Variants in MACROD1 observed in about 807,000 individuals in gnomAD.
MACROD1 encodes the protein mono-ADP ribosylhydrolase 1, also known as ADP-ribose glycohydrolase MACROD1.
MACROD1 carries 31 observed loss-of-function variants against 41.4 expected under a neutral mutation model. The ratio of observed to expected loss-of-function variants is 0.75; its 90% CI spans 0.56 to 1.01. The LOEUF is 1.01. Ranked by LOEUF, MACROD1 falls within the 50% of genes least tolerant of loss-of-function variation. The pLI is 0.00. For missense variants in MACROD1, 473 were observed against 460.0 expected, an observed-to-expected ratio of 1.03 and a Z score of -0.26; for synonymous variants, 252 against 203.4, an observed-to-expected ratio of 1.24 and a Z score of -2.03.
At chr11:64,138,293 G>T (rs142090920) in intron 3 of MACROD1, among the ~76,000 whole-genome samples, 1 of 152,172 alleles carries the variant, frequency 6.6e-6, no homozygotes, top group African/African-American at 2.4e-5. Flanking sequence ...CCCCCTCCCC[G>T]GCACTGCCTG....
At chr11:64,102,209 G>A (rs1190099135) in intron 3 of MACROD1, among the ~76,000 whole-genome samples, 1 of 152,194 alleles carries the variant, frequency 6.6e-6, no homozygotes, top group Non-Finnish European at 1.5e-5. Flanking sequence ...GTTCCTGCAG[G>A]GGGAATACAG....
At chr11:64,041,916 C>T (rs545333153) in intron 3 of MACROD1, among the ~76,000 whole-genome samples, 35 of 152,280 alleles carry the variant, frequency 2.3e-4, no homozygotes, top group African/African-American at 6.3e-4. Flanking sequence ...GAGTGAGATT[C>T]GGTGGGCTGA....
At chr11:64,138,347 C>T (rs7123026) in intron 3 of MACROD1, among the ~76,000 whole-genome samples, 15,878 of 152,266 alleles carry the variant, frequency 0.1, 1,082 homozygotes, top group Non-Finnish European at 0.16. Context: ...GTGACCCTCA[C>T]GGGGAAAGCT....
chr11:64,135,088 C>T (rs1419179259), intron 3 of MACROD1, among the ~76,000 whole-genome samples: 1 of 152,248 alleles, frequency 6.6e-6, no homozygotes, highest in African/African-American at 2.4e-5. Flanking sequence ...ACTGGTAAAA[C>T]CCAGAGGGCT....
At chr11:64,042,242 C>T (rs180752746) in intron 3 of MACROD1, among the ~76,000 whole-genome samples, 8 of 152,284 alleles carry the variant, frequency 5.3e-5, no homozygotes, top group East Asian at 3.9e-4. Flanking sequence ...CCTGAGCCAG[C>T]CTGAGCCAGG....
chr11:64,165,713 G>A lies in MACROD1; in HGVS notation c.282C>T (p.Asp94=), dbSNP rs372985864. Residue 94 remains aspartate, a synonymous_variant, in exon 1 of 11, where the codon GAC becomes GAT. Transcript: ENST00000255681. ...TACACTTACATTTCGCCTCCTTCCA[G>A]TCGGTGGAGGTGCTCAGGTCCACCT... ...AAKVDLSTST[D]WKEAKSFLKG... 4.6e-5 allele frequency: 68 copies of A among 1,466,442 alleles called. No homozygotes were observed. In the African/African-American group the frequency reaches 9.1e-4, roughly 20 times the overall value. 90.8% of individuals were successfully genotyped at this position (1,466,442 alleles called of 1,614,324 possible). A position where few individuals can be genotyped will look rare whatever the true frequency, so the allele number is the denominator to read the frequency against.
intron 3 of MACROD1, among the ~76,000 whole-genome samples, chr11:64,143,924 G>C (rs1945454111): frequency 6.6e-6 from 1 of 152,032 alleles, no homozygotes; most frequent in African/African-American, 2.4e-5. Flanking sequence ...AGCACAATGA[G>C]ACTGATATAG....
chr11:64,092,010 T>TC lies in MACROD1; in HGVS notation c.517+59228dup, dbSNP rs1272444507. Among the ~76,000 whole-genome samples, 3 of 152,232 alleles carry TC rather than the reference T, an allele frequency of 2.0e-5. No homozygotes were observed. In the East Asian group the frequency reaches 5.8e-4, roughly 29 times the overall value. Reference sequence around the variant, plus strand: ...GGACAGCGGGGCTGCCGGCCCTCTATCCCCACGTGATCTCAGCTCCTGAGG... The same window carrying TC: ...GGACAGCGGGGCTGCCGGCCCTCTATCCCCCACGTGATCTCAGCTCCTGAGG... On this transcript the variant is annotated intron_variant, in intron 3 of 10. Coordinates refer to ENST00000255681, the MANE Select transcript of MACROD1 (RefSeq NM_014067.4).
At chr11:64,156,103 C>A in intron 1 of MACROD1, among the ~76,000 whole-genome samples, 1 of 127,752 alleles carries the variant, frequency 7.8e-6, no homozygotes, top group South Asian at 2.6e-4. Flanking sequence ...AGCAAAACTC[C>A]ATCTCAAAAA....
At chr11:64,102,715 G>C (rs1944691533) in intron 3 of MACROD1, among the ~76,000 whole-genome samples, 2 of 152,186 alleles carry the variant, frequency 1.3e-5, no homozygotes, top group Non-Finnish European at 2.9e-5. Flanking sequence ...AAAGAGGCAG[G>C]AGATAGGGAG....
intron 3 of MACROD1, chr11:64,117,515 G>A: frequency 6.2e-7 from 1 of 1,606,922 alleles, no homozygotes; most frequent in Non-Finnish European, 8.5e-7. Flanking sequence ...AGGCCAAAAG[G>A]CCAGGGCTGC....
In MACROD1 at chr11:64,122,201, T is replaced by G. The variant is rs938589581; in HGVS notation, c.517+29038A>C. On this transcript the variant is annotated intron_variant, in intron 3 of 10. Transcript: ENST00000255681. This position sits in a 1 kb window ranked among gnomAD's most constrained non-coding sequence, Gnocchi z 4.0. Reference sequence around the variant, plus strand: ...AAGCTCCTTTTCTTCCCTTTTCTCCTTCCCCCTCCCCACGGCCTCCCGCCA... The same window carrying G: ...AAGCTCCTTTTCTTCCCTTTTCTCCGTCCCCCTCCCCACGGCCTCCCGCCA... 1.3e-5 allele frequency among the ~76,000 whole-genome samples: 2 copies of G among 152,242 alleles called. No individual in the cohort carries two copies. Among genetic ancestry groups the G allele is most frequent in the African/African-American group, 4.8e-5 (2 of 41,464 alleles).
rs557929737 is a variant in MACROD1, at chr11:64,088,971, G to A, written c.517+62268C>T. Among the ~76,000 whole-genome samples, 8 of 152,304 alleles carry A rather than the reference G, an allele frequency of 5.3e-5. No individual in the cohort carries two copies. In the South Asian group the frequency reaches 1.7e-3, roughly 32 times the overall value. On this transcript the variant is annotated intron_variant, in intron 3 of 10. Transcript: ENST00000255681. ...TGTCACCATGGAGGCTGGGGAGGAG[G>A]CAGAGGTTACCAGACTCAGAGAGAG...
At chr11:64,039,973 G>C (rs2134384169) in intron 3 of MACROD1, among the ~76,000 whole-genome samples, 1 of 152,350 alleles carries the variant, frequency 6.6e-6, no homozygotes, top group South Asian at 2.1e-4. Flanking sequence ...TGGCACGCCT[G>C]GCTCCCTGGC....
rs570855641 is a variant in MACROD1, at chr11:64,065,022, G to A, written c.518-49741C>T. Reference sequence around the variant, plus strand: ...GAACAAGCCAGAGGCGGGCAATGCTGGTGCTAGGGACATGAGCAGGGGTGA... The same window carrying A: ...GAACAAGCCAGAGGCGGGCAATGCTAGTGCTAGGGACATGAGCAGGGGTGA... On this transcript the variant is annotated intron_variant, in intron 3 of 10. Coordinates refer to ENST00000255681, the MANE Select transcript of MACROD1 (RefSeq NM_014067.4). Among the ~76,000 whole-genome samples the A allele has an allele frequency of 7.9e-5, 12 of 152,292 alleles. No individual in the cohort carries two copies. The South Asian group carries it at 2.3e-3, about 29-fold the overall frequency.
At chr11:64,059,512 A>C (rs1943855883) in intron 3 of MACROD1, among the ~76,000 whole-genome samples, 1 of 152,094 alleles carries the variant, frequency 6.6e-6, no homozygotes. Flanking sequence ...CTGGGTACCC[A>C]GGCCCCCCAG....
In MACROD1 at chr11:63,998,980, G is replaced by T; in HGVS notation, c.948C>A (p.Ser316Arg). The stretch of plus-strand genomic sequence containing the variant: ...CCACGGGGAAGTAGTGGGGGAGCCG[G>T]CTCCGGTAGATGTCCTCGTCCTTCT... Reference protein sequence around the residue: ...FLEKDEDIYRSRLPHYFPVA With the variant: ...FLEKDEDIYRRRLPHYFPVA The change falls in exon 9 of 11, where the codon AGC (serine) becomes AGA (arginine). Residue 316 changes from serine (S) to arginine (R), a missense_variant. Ser to Arg is a moderately radical substitution (Grantham distance 110, BLOSUM62 -1). Transcript: ENST00000255681. The T allele has an allele frequency of 6.2e-7, 1 of 1,607,524 alleles. No homozygotes were observed. The highest frequency in any genetic ancestry group is 1.1e-5 in the South Asian group (1 of 90,268).
At chr11:64,149,273 C>T (rs974824439) in intron 3 of MACROD1, among the ~76,000 whole-genome samples, 4 of 152,176 alleles carry the variant, frequency 2.6e-5, no homozygotes, top group African/African-American at 9.7e-5. Flanking sequence ...GCATCAGCTC[C>T]GAGTGCCCCC....
intron 3 of MACROD1, among the ~76,000 whole-genome samples, chr11:64,043,330 G>A (rs781771963): frequency 5.3e-5 from 8 of 152,188 alleles, no homozygotes; most frequent in African/African-American, 9.7e-5. Flanking sequence ...CTAGCTTTCC[G>A]CCCTCAGGAC....
Sources: gnomAD v4.1 joint callset for allele counts (sites outside exome capture counted in the v4.1 genomes callset) on GRCh38, gnomAD v4.1.1 for gene constraint, Gnocchi (gnomAD v3.1) non-coding constraint, MANE v1.5 for transcripts, NCBI Gene and HGNC (gene_info 2026-07-23, HGNC 2026-07-21) for gene names.